Variants in TRAK1 observed in about 807,000 individuals in gnomAD.
TRAK1 encodes the protein trafficking kinesin protein 1, also known as trafficking kinesin-binding protein 1.
Under a neutral mutation model 92.1 loss-of-function variants are expected in TRAK1, and 33 were observed. That is an observed-to-expected ratio of 0.36 (90% CI 0.27 to 0.48). TRAK1 has a LOEUF of 0.48. Among genes scored for constraint, TRAK1 ranks in the 20% least tolerant of loss-of-function variants. TRAK1 has a pLI of 0.99. For synonymous variants in TRAK1, 521 were observed against 517.3 expected (o/e 1.01, Z -0.10); for missense variants, 1,123 against 1,257.9 (o/e 0.89, Z 1.62).
chr3:42,031,364 A>G (rs111834569), intron 1 of TRAK1, among the ~76,000 whole-genome samples: 19,367 of 151,624 alleles, frequency 0.13, 1,650 homozygotes, highest in Middle Eastern at 0.25. Context: ...AAAGTTTTCC[A>G]AAGATTCCTG....
chr3:42,191,184 C>T (rs1160093646), intron 6 of TRAK1, among the ~76,000 whole-genome samples: 1 of 152,158 alleles, frequency 6.6e-6, no homozygotes, highest in Non-Finnish European at 1.5e-5. Flanking sequence ...TGGGTAGTGT[C>T]CTAGGCACTG....
chr3:42,171,476 C>G (rs935408937), intron 2 of TRAK1, among the ~76,000 whole-genome samples: 7 of 152,266 alleles, frequency 4.6e-5, no homozygotes, highest in Middle Eastern at 3.4e-3. Context: ...GACACAGGGT[C>G]CCTTGGGGAG....
intron 2 of TRAK1, among the ~76,000 whole-genome samples, chr3:42,127,184 G>A (rs892107648): frequency 6.6e-6 from 1 of 152,034 alleles, no homozygotes; most frequent in Non-Finnish European, 1.5e-5. Context: ...GACTGTAGAC[G>A]TCTGCAAAAA....
rs1484237959 is a variant in TRAK1, at chr3:42,225,639, A to G, written c.*1902A>G. The G allele has an allele frequency of 2.0e-5, 3 of 152,230 alleles. No homozygotes were observed. The highest frequency in any genetic ancestry group is 1.9e-4 in the East Asian group (1 of 5,208). The allele number at this position is 152,230 out of a possible 1,614,324, so 9.4% of individuals were successfully genotyped here. ...AAAAATTGGCAGTTCAGAGGTTGCA[A>G]TACTTAGTATAGTAAATAAATAAAC... On this transcript the variant is annotated 3_prime_UTR_variant, in exon 16 of 16. Transcript: ENST00000327628.
intron 2 of TRAK1, among the ~76,000 whole-genome samples, chr3:42,134,966 C>T (rs1158164824): frequency 2.0e-5 from 3 of 152,146 alleles, no homozygotes; most frequent in Non-Finnish European, 4.4e-5. Context: ...CCTCGAACTC[C>T]TGGCCTCAAG....
chr3:42,216,993 G>T (rs1431699774), intron 14 of TRAK1, among the ~76,000 whole-genome samples: 1 of 152,132 alleles, frequency 6.6e-6, no homozygotes, highest in East Asian at 1.9e-4. Context: ...AGATAAAGAA[G>T]GGGGCTTTGG....
chr3:42,156,237 A>G (rs938909950), intron 2 of TRAK1, among the ~76,000 whole-genome samples: 1 of 152,230 alleles, frequency 6.6e-6, no homozygotes, highest in Non-Finnish European at 1.5e-5. Context: ...CTCAGGGAAG[A>G]TGCCCTTTGG....
intron 1 of TRAK1, among the ~76,000 whole-genome samples, chr3:42,099,009 G>A (rs1436130532): frequency 1.3e-5 from 2 of 151,974 alleles, no homozygotes; most frequent in African/African-American, 2.4e-5. Context: ...ATGGAATAGC[G>A]GGGATAACTG....
At chr3:42,129,476 C>T (rs886533963) in intron 2 of TRAK1, among the ~76,000 whole-genome samples, 3 of 152,134 alleles carry the variant, frequency 2.0e-5, no homozygotes, top group African/African-American at 7.2e-5. Context: ...TTGGCCCTCA[C>T]TTGACTTCCT....
At chr3:42,050,714 G>A (rs1480617325) in intron 1 of TRAK1, among the ~76,000 whole-genome samples, 1 of 152,024 alleles carries the variant, frequency 6.6e-6, no homozygotes, top group Non-Finnish European at 1.5e-5. Flanking sequence ...TTGGAGTACA[G>A]TAGTGCTATC....
intron 2 of TRAK1, among the ~76,000 whole-genome samples, chr3:42,176,010 TC>T (rs1576801204): frequency 3.3e-5 from 5 of 152,224 alleles, no homozygotes; most frequent in Admixed American, 3.3e-4. Context: ...GCGAATCAGT[TC>T]CTTGTCACTG....
chr3:42,016,937 A>G (rs1017132379), intron 1 of TRAK1, among the ~76,000 whole-genome samples: 9 of 152,192 alleles, frequency 5.9e-5, no homozygotes, highest in African/African-American at 1.9e-4. Context: ...CTCTTCACAT[A>G]TATGATTCTG....
chr3:42,198,299 G>A (rs1397007048), intron 10 of TRAK1, among the ~76,000 whole-genome samples: 1 of 152,214 alleles, frequency 6.6e-6, no homozygotes, highest in Non-Finnish European at 1.5e-5. Context: ...GCCCATTGGT[G>A]AAGTGAGAAG....
intron 2 of TRAK1, among the ~76,000 whole-genome samples, chr3:42,137,725 A>G (rs1265109693): frequency 6.6e-6 from 1 of 152,182 alleles, no homozygotes; most frequent in Non-Finnish European, 1.5e-5. Flanking sequence ...TGGGTTGGGT[A>G]ACGCTGCTTT....
chr3:42,112,862 C>T (rs1380340605), intron 1 of TRAK1, among the ~76,000 whole-genome samples: 1 of 152,026 alleles, frequency 6.6e-6, no homozygotes, highest in Non-Finnish European at 1.5e-5. Flanking sequence ...CCTCTAACTG[C>T]TGTGCTCAAG....
chr3:42,122,059 C>A (rs1576467792), intron 1 of TRAK1, among the ~76,000 whole-genome samples: 1 of 152,084 alleles, frequency 6.6e-6, no homozygotes, highest in East Asian at 1.9e-4. Context: ...CTCAAGTGAT[C>A]CACCAGCCTC....
At chr3:42,121,259 CTT>C (rs397959962) in intron 1 of TRAK1, among the ~76,000 whole-genome samples, 32 of 131,724 alleles carry the variant, frequency 2.4e-4, no homozygotes, top group Non-Finnish European at 1.6e-4. Flanking sequence ...CTGGGGAATT[CTT>C]TTTTTTTTTT....
chr3:42,208,551 C>T (rs1708602993), intron 13 of TRAK1, among the ~76,000 whole-genome samples: 1 of 152,214 alleles, frequency 6.6e-6, no homozygotes, highest in South Asian at 2.1e-4. Flanking sequence ...ACTCCCTTTT[C>T]TTCGCTCCCC....
In TRAK1 at chr3:42,194,951, G is replaced by C; in HGVS notation, c.1113+10G>C. 1.2e-6 allele frequency: 2 copies of C among 1,613,222 alleles called. No homozygotes were observed. Among genetic ancestry groups the C allele is most frequent in the African/African-American group, 1.3e-5 (1 of 75,034 alleles). ...GGGCCTGTTTCCCATGGTGAGCTGT[G>C]CTTTCTTCCCAGCCAGAGGACAGGA... On this transcript the variant is annotated intron_variant, in intron 10 of 15. Coordinates refer to ENST00000327628, the MANE Select transcript of TRAK1 (RefSeq NM_001042646.3).
Sources: gnomAD v4.1 joint callset for allele counts (sites outside exome capture counted in the v4.1 genomes callset) on GRCh38, gnomAD v4.1.1 for gene constraint, MANE v1.5 for transcripts, NCBI Gene and HGNC (gene_info 2026-07-23, HGNC 2026-07-21) for gene names.